The following CPNE4 variants were observed in gnomAD, a reference collection of about 807,000 sequenced individuals.
The protein encoded by CPNE4 is copine-4.
CPNE4 carries 25 observed loss-of-function variants against 67.9 expected under a neutral mutation model. The observed-to-expected ratio is 0.37, with a 90% CI of 0.27 to 0.51. The LOEUF is 0.51. Among genes scored for constraint, CPNE4 ranks in the 20% least tolerant of loss-of-function variants. The pLI, the probability that CPNE4 is intolerant of heterozygous loss-of-function variation, is 0.93. For missense variants in CPNE4, 464 were observed against 690.8 expected, an observed-to-expected ratio of 0.67 and a Z score of 3.68; for synonymous variants, 242 against 244.9, an observed-to-expected ratio of 0.99 and a Z score of 0.11.
intron 10 of CPNE4, among the ~76,000 whole-genome samples, chr3:131,572,247 G>GTGAT (rs1307930522): frequency 2.6e-5 from 4 of 152,024 alleles, no homozygotes. Context: ...CACTCAAAAG[G>GTGAT]TGATTGAGGA....
Position 131,834,865 on chromosome 3 carries a change from G to C in CPNE4, c.180+70399C>G, listed in dbSNP as rs994693744. 2.0e-5 allele frequency among the ~76,000 whole-genome samples: 3 copies of C among 152,086 alleles called. No individual in the cohort carries two copies. The South Asian group carries it at 6.2e-4, about 32-fold the overall frequency. ...ATAAAGTTTTGGTATTAAATAATAAGAACAACATCTAGGTCTCATTTGAAA... is the reference window on the plus strand; with the variant it reads ...ATAAAGTTTTGGTATTAAATAATAACAACAACATCTAGGTCTCATTTGAAA... On this transcript the variant is annotated intron_variant, in intron 2 of 15. Transcript: ENST00000429747.
intron 1 of CPNE4, among the ~76,000 whole-genome samples, chr3:131,920,782 ATTTG>A (rs1055321498): frequency 1.4e-4 from 22 of 152,122 alleles, no homozygotes; most frequent in African/African-American, 5.3e-4. Context: ...AATGTTCATC[ATTTG>A]TTTGTCAAAT....
chr3:131,923,427 G>C (rs1227241014), intron 1 of CPNE4, among the ~76,000 whole-genome samples: 1 of 152,130 alleles, frequency 6.6e-6, no homozygotes, highest in African/African-American at 2.4e-5. Flanking sequence ...AGAACTGGCT[G>C]GGCGCAGTGG....
chr3:131,703,334 C>A (rs2081346837), intron 3 of CPNE4, among the ~76,000 whole-genome samples: 1 of 152,172 alleles, frequency 6.6e-6, no homozygotes, highest in South Asian at 2.1e-4. Context: ...ATTCTTTATA[C>A]CCTATGATGG....
intron 7 of CPNE4, among the ~76,000 whole-genome samples, chr3:131,625,167 T>G (rs2079043609): frequency 6.6e-6 from 1 of 152,174 alleles, no homozygotes; most frequent in African/African-American, 2.4e-5. Flanking sequence ...AAACAAAAGT[T>G]AACAGTACAA....
intron 2 of CPNE4, among the ~76,000 whole-genome samples, chr3:131,835,453 T>C (rs2018375): frequency 0.79 from 119,954 of 151,952 alleles, 49,555 homozygotes; most frequent in East Asian, 1. Flanking sequence ...CGCTTGAACC[T>C]AGGAAGTAGA....
At chr3:131,989,197 C>A (rs2073122131) in intron 1 of CPNE4, among the ~76,000 whole-genome samples, 1 of 152,188 alleles carries the variant, frequency 6.6e-6, no homozygotes, top group African/African-American at 2.4e-5. Context: ...AGAAGCAGAC[C>A]TGGATGCATT....
intron 3 of CPNE4, among the ~76,000 whole-genome samples, chr3:131,703,789 G>C (rs187281986): frequency 2.6e-5 from 4 of 152,204 alleles, no homozygotes; most frequent in South Asian, 4.1e-4. Context: ...CTAGGTACCA[G>C]TTACTGTTCA....
chr3:131,700,077 T>TTTTTTTTTTTTAA (rs2081258949), intron 3 of CPNE4, 97 bp from the exon 4 acceptor site: 1 of 552,478 alleles, frequency 1.8e-6, no homozygotes, highest in African/African-American at 2.4e-5. Context: ...TTTTTTTTTT[T>TTTTTTTTTTTTAA]ACAAAACTCT....
intron 2 of CPNE4, among the ~76,000 whole-genome samples, chr3:131,828,196 T>A (rs2085237539): frequency 6.6e-6 from 1 of 152,212 alleles, no homozygotes; most frequent in Non-Finnish European, 1.5e-5. Flanking sequence ...ATTGAGAGTC[T>A]AATTTACCTA....
chr3:131,618,554 G>C (rs370894602), intron 7 of CPNE4, among the ~76,000 whole-genome samples: 2 of 152,064 alleles, frequency 1.3e-5, no homozygotes, highest in Non-Finnish European at 2.9e-5. Flanking sequence ...CCACAGTATC[G>C]GGGCTTTCTT....
chr3:131,600,840 C>G (rs1039594164), intron 7 of CPNE4, among the ~76,000 whole-genome samples: 1 of 152,176 alleles, frequency 6.6e-6, no homozygotes, highest in African/African-American at 2.4e-5. Flanking sequence ...CACCATTTAC[C>G]TCTATGTGCT....
intron 2 of CPNE4, among the ~76,000 whole-genome samples, chr3:131,886,791 C>T (rs1284025316): frequency 6.6e-6 from 1 of 152,164 alleles, no homozygotes; most frequent in African/African-American, 2.4e-5. Flanking sequence ...AGCCCTGTAG[C>T]CCCTTTGTTT....
chr3:132,016,293 T>C (rs2073888363), intron 1 of CPNE4, among the ~76,000 whole-genome samples: 1 of 152,226 alleles, frequency 6.6e-6, no homozygotes, highest in African/African-American at 2.4e-5. Flanking sequence ...GAAGCATGCT[T>C]TGGCTTACCC....
intron 1 of CPNE4, among the ~76,000 whole-genome samples, chr3:131,927,939 G>A (rs1343481896): frequency 1.3e-5 from 2 of 152,114 alleles, no homozygotes; most frequent in Non-Finnish European, 2.9e-5. Context: ...CTGTATATAT[G>A]AAAACCGCTA....
intron 2 of CPNE4, among the ~76,000 whole-genome samples, chr3:131,766,360 T>C (rs1433914844): frequency 6.6e-6 from 1 of 152,108 alleles, no homozygotes; most frequent in African/African-American, 2.4e-5. Context: ...GTGGTGGAAT[T>C]CTTCCAGGTA....
At chr3:131,794,183 T>G (rs12495740) in intron 2 of CPNE4, among the ~76,000 whole-genome samples, 2,556 of 152,220 alleles carry the variant, frequency 0.017, 66 homozygotes, top group Admixed American at 0.083. Context: ...ATGATCATCC[T>G]TCAGGGAACT....
intron 6 of CPNE4, among the ~76,000 whole-genome samples, chr3:131,670,326 C>T (rs2080375770): frequency 6.6e-6 from 1 of 152,160 alleles, no homozygotes; most frequent in South Asian, 2.1e-4. Context: ...ATCACCAACT[C>T]AATTACAATA....
intron 2 of CPNE4, among the ~76,000 whole-genome samples, chr3:131,792,925 G>GTGTGTGTGTGTGTATATCTATA (rs58502463): frequency 1.9e-3 from 252 of 135,222 alleles, no homozygotes; most frequent in African/African-American, 6.4e-3. Context: ...GTGTGTGTGT[G>GTGTGTGTGTGTGTATATCTATA]TATCTCCAAC....
Sources: allele counts gnomAD v4.1 joint callset (sites outside exome capture counted in the v4.1 genomes callset), GRCh38; gene constraint gnomAD v4.1.1; transcripts MANE v1.5; gene names NCBI Gene and HGNC (gene_info 2026-07-23, HGNC 2026-07-21).